Variants in ADAMTS20 observed in about 807,000 individuals in gnomAD.
ADAMTS20 encodes ADAM metallopeptidase with thrombospondin type 1 motif 20, also known as A disintegrin and metalloproteinase with thrombospondin motifs 20.
ADAMTS20 carries 225 observed loss-of-function variants against 260.1 expected under a neutral mutation model. The ratio of observed to expected loss-of-function variants is 0.87; its 90% CI spans 0.78 to 0.97. ADAMTS20 has a LOEUF of 0.97. Among genes scored for constraint, ADAMTS20 ranks in the 50% least tolerant of loss-of-function variants. ADAMTS20 has a pLI of 0.00. For missense variants in ADAMTS20, 2,400 were observed against 2,337.7 expected, an observed-to-expected ratio of 1.03 and a Z score of -0.55; for synonymous variants, 802 against 769.5, an observed-to-expected ratio of 1.04 and a Z score of -0.70.
At chr12:43,508,245 A>G (rs1942873579) in intron 3 of ADAMTS20, among the ~76,000 whole-genome samples, 2 of 152,336 alleles carry the variant, frequency 1.3e-5, no homozygotes, top group South Asian at 4.1e-4. Flanking sequence ...TCTGCAATAA[A>G]AAAGCATAAA....
intron 2 of ADAMTS20, among the ~76,000 whole-genome samples, chr12:43,535,886 G>T (rs1328273744): frequency 6.6e-6 from 1 of 152,010 alleles, no homozygotes; most frequent in Non-Finnish European, 1.5e-5. Flanking sequence ...AGAAAGACTA[G>T]TGAAGGGAAA....
intron 2 of ADAMTS20, among the ~76,000 whole-genome samples, chr12:43,533,746 C>A (rs551700447): frequency 0.026 from 110 of 4,256 alleles, 7 homozygotes; most frequent in East Asian, 0.22. Context: ...GCTACAGTAA[C>A]CAAAACAGCA....
At chr12:43,418,523 T>C (rs1376651642) in intron 28 of ADAMTS20, among the ~76,000 whole-genome samples, 1 of 152,150 alleles carries the variant, frequency 6.6e-6, no homozygotes, top group Non-Finnish European at 1.5e-5. Context: ...TTGGCCAGGA[T>C]GGTCTCAATC....
intron 7 of ADAMTS20, among the ~76,000 whole-genome samples, chr12:43,475,694 C>G (rs377307723): frequency 2.7e-5 from 4 of 149,186 alleles, no homozygotes; most frequent in Non-Finnish European, 4.5e-5. Flanking sequence ...ACGCCGCATA[C>G]CTACAACTAT....
intron 22 of ADAMTS20, 81 bp from the exon 23 acceptor site, chr12:43,430,552 T>C (rs1159344389): frequency 6.3e-6 from 8 of 1,270,280 alleles, no homozygotes; most frequent in African/African-American, 4.5e-5. Context: ...GAATACCCTG[T>C]TAATAATATA....
chr12:43,409,158 A>G (rs1195882502), intron 28 of ADAMTS20, among the ~76,000 whole-genome samples: 1 of 152,208 alleles, frequency 6.6e-6, no homozygotes, highest in Non-Finnish European at 1.5e-5. Flanking sequence ...AAAATAGAAT[A>G]CTATGACACT....
At chr12:43,383,183 C>CTG (rs1940391867) in intron 31 of ADAMTS20, among the ~76,000 whole-genome samples, 1 of 152,036 alleles carries the variant, frequency 6.6e-6, no homozygotes, top group Admixed American at 6.6e-5. Context: ...GGTTTTATGG[C>CTG]TGTGTACATG....
In ADAMTS20 at chr12:43,500,560, A is replaced by T. The variant is rs554135087; in HGVS notation, c.867+1592T>A. ...TTCAAATTCAGAATTTAAAAAAAGT[A>T]ATTAGGATAAATTTCTATCTATACT... On this transcript the variant is annotated intron_variant, in intron 4 of 38. Transcript: ENST00000389420. Among the ~76,000 whole-genome samples, 119 of 152,320 alleles carry T rather than the reference A, an allele frequency of 7.8e-4. 1 individual carries two copies. Among genetic ancestry groups the T allele is most frequent in the African/African-American group, 2.8e-3 (117 of 41,576 alleles).
intron 2 of ADAMTS20, among the ~76,000 whole-genome samples, chr12:43,535,013 T>G (rs557105270): frequency 1.3e-5 from 2 of 152,268 alleles, no homozygotes; most frequent in South Asian, 4.1e-4. Flanking sequence ...CCTTCAAGTC[T>G]CAGCTCAAAT....
At chr12:43,424,296 A>G (rs1941289515) in intron 28 of ADAMTS20, among the ~76,000 whole-genome samples, 1 of 152,024 alleles carries the variant, frequency 6.6e-6, no homozygotes. Context: ...TTACTCCTCA[A>G]AAAAAAGATA....
chr12:43,433,881 G>GTT (rs1376057915), intron 19 of ADAMTS20: 2 of 376,030 alleles, frequency 5.3e-6, no homozygotes, highest in Admixed American at 6.8e-5. Context: ...AACTTCAGAA[G>GTT]TTTACTGGTT....
intron 28 of ADAMTS20, among the ~76,000 whole-genome samples, chr12:43,409,351 A>C (rs930118756): frequency 4.6e-5 from 7 of 151,840 alleles, no homozygotes; most frequent in East Asian, 1.9e-4. Context: ...GCCTGTAATC[A>C]CAGCACTTTG....
Position 43,435,008 on chromosome 12 carries a change from C to T in ADAMTS20, c.2594-637G>A, listed in dbSNP as rs908885753. ...CAATAAAAAGATCAGTGTCTGTCACCAGTTGTGGGGGAAGGAAGGAAGAAT... is the reference window on the plus strand; with the variant it reads ...CAATAAAAAGATCAGTGTCTGTCACTAGTTGTGGGGGAAGGAAGGAAGAAT... On this transcript the variant is annotated intron_variant, in intron 18 of 38. Coordinates refer to ENST00000389420, the MANE Select transcript of ADAMTS20 (RefSeq NM_025003.5). Among the ~76,000 whole-genome samples the T allele has an allele frequency of 2.7e-5, 4 of 148,166 alleles. No individual in the cohort carries two copies. The East Asian group carries it at 6.1e-4, about 23-fold the overall frequency.
intron 29 of ADAMTS20, 28 bp from the exon 30 acceptor site, chr12:43,384,005 A>T: frequency 1.3e-6 from 2 of 1,568,536 alleles, no homozygotes; most frequent in Non-Finnish European, 1.7e-6. Context: ...TGATTTGAAC[A>T]ATTAGCTAAT....
At chr12:43,544,930 C>A (rs1157647152) in intron 2 of ADAMTS20, among the ~76,000 whole-genome samples, 1 of 152,122 alleles carries the variant, frequency 6.6e-6, no homozygotes, top group African/African-American at 2.4e-5. Flanking sequence ...GGGGGCTGTG[C>A]TGTGCATTGT....
In ADAMTS20 at chr12:43,551,862, C is replaced by G. The variant is rs1943523123; in HGVS notation, c.60G>C (p.Arg20Ser). Residue 20 changes from arginine to serine, a missense_variant, in exon 1 of 39, where the codon AGG becomes AGC. By Grantham distance (110) the Arg-to-Ser change is moderately radical. Coordinates refer to ENST00000389420, the MANE Select transcript of ADAMTS20 (RefSeq NM_025003.5). This position sits in a 1 kb window ranked among gnomAD's most constrained non-coding sequence, Gnocchi z 4.6. ...LLYHLSLFIT[R>S]SWEVDFHPRQ... ...TGGGGTGGAAGTCAACTTCCCAAGA[C>G]CTGGTGATGAAGAGCGAGAGATGGT... The G allele has an allele frequency of 1.2e-6, 2 of 1,613,746 alleles. No individual in the cohort carries two copies. Among genetic ancestry groups the G allele is most frequent in the Non-Finnish European group, 1.7e-6 (2 of 1,179,748 alleles).
intron 37 of ADAMTS20, among the ~76,000 whole-genome samples, chr12:43,357,261 C>T (rs753943803): frequency 6.6e-6 from 1 of 152,132 alleles, no homozygotes; most frequent in Non-Finnish European, 1.5e-5. Context: ...AAAAGTAGAA[C>T]TGCAAACAAG....
chr12:43,411,277 TA>T (rs1241593558), intron 28 of ADAMTS20, among the ~76,000 whole-genome samples: 2 of 152,334 alleles, frequency 1.3e-5, no homozygotes, highest in South Asian at 2.1e-4. Context: ...ATCAGGTGTC[TA>T]AATGAAACCT....
intron 11 of ADAMTS20, among the ~76,000 whole-genome samples, chr12:43,461,902 A>G (rs1262061125): frequency 6.6e-6 from 1 of 152,214 alleles, no homozygotes; most frequent in Non-Finnish European, 1.5e-5. Context: ...TCGTCCTAAA[A>G]TTACAAAAAG....
Sources: gnomAD v4.1 joint callset for allele counts (sites outside exome capture counted in the v4.1 genomes callset) on GRCh38, gnomAD v4.1.1 for gene constraint, Gnocchi (gnomAD v3.1) non-coding constraint, MANE v1.5 for transcripts, NCBI Gene and HGNC (gene_info 2026-07-23, HGNC 2026-07-21) for gene names.